PTPN21: variants seen among roughly 807,000 people sequenced by gnomAD.
PTPN21 encodes the protein tyrosine-protein phosphatase non-receptor type 21.
In PTPN21, 77 loss-of-function variants were observed where a neutral mutation model predicts 131.8. The observed-to-expected ratio is 0.58, with a 90% CI of 0.49 to 0.71. The LOEUF is 0.71. PTPN21 is among the 30% of genes least tolerant of loss of function. The pLI, the probability that PTPN21 is intolerant of heterozygous loss-of-function variation, is 0.00. For synonymous variants in PTPN21, 715 were observed against 621.3 expected, an observed-to-expected ratio of 1.15 and a Z score of -2.24; for missense variants, 1,552 against 1,527.1, an observed-to-expected ratio of 1.02 and a Z score of -0.27.
chr14:88,468,342 T>C, intron 18 of PTPN21, 77 bp from the exon 19 acceptor site: 1 of 1,407,488 alleles, frequency 7.1e-7, no homozygotes, highest in Non-Finnish European at 9.6e-7. Context: ...ACGAGTGTCC[T>C]GGCAGAAACC....
chr14:88,505,176 G>A, intron 5 of PTPN21, 128 bp downstream of exon 5: 1 of 768,654 alleles, frequency 1.3e-6, no homozygotes, highest in Non-Finnish European at 2.1e-6. Flanking sequence ...ATGTTTATAA[G>A]AGGGAATTTT....
At chr14:88,489,353 T>C (rs2077787395) in intron 10 of PTPN21, among the ~76,000 whole-genome samples, 1 of 152,156 alleles carries the variant, frequency 6.6e-6, no homozygotes, top group African/African-American at 2.4e-5. Context: ...CATGCACTAA[T>C]AGATAGTTCA....
intron 2 of PTPN21, among the ~76,000 whole-genome samples, chr14:88,532,258 C>A (rs2078565452): frequency 6.6e-6 from 1 of 152,124 alleles, no homozygotes; most frequent in Admixed American, 6.5e-5. Flanking sequence ...CTAAATCATT[C>A]TATGAAGCCA....
chr14:88,536,430 T>C lies in PTPN21; in HGVS notation c.180+13808A>G, dbSNP rs2078632171. On this transcript the variant is annotated intron_variant, in intron 2 of 18. Transcript: ENST00000556564. ...TTTCAGCACAATATGGTTGACTTAC[T>C]TTACATGAACTGATGTTGACTGAGA... 2.0e-5 allele frequency among the ~76,000 whole-genome samples: 3 copies of C among 152,344 alleles called. No homozygotes were observed. In the South Asian group the frequency reaches 6.2e-4, roughly 32 times the overall value.
At chr14:88,492,531 G>A (rs1477836131) in intron 10 of PTPN21, among the ~76,000 whole-genome samples, 1 of 152,210 alleles carries the variant, frequency 6.6e-6, no homozygotes, top group African/African-American at 2.4e-5. Flanking sequence ...ACATGGTGCA[G>A]GGGAAGGCAG....
chr14:88,505,280 G>T (rs200856400), intron 5 of PTPN21, 24 bp downstream of exon 5: 4 of 1,534,776 alleles, frequency 2.6e-6, no homozygotes, highest in African/African-American at 2.7e-5. Context: ...CTTTTAAAAG[G>T]CCCAGTGTCA....
intron 2 of PTPN21, among the ~76,000 whole-genome samples, chr14:88,532,445 C>T (rs76355484): frequency 0.038 from 5,829 of 152,220 alleles, 147 homozygotes; most frequent in South Asian, 0.098. Context: ...TCTATACTTA[C>T]GTCAAGATTT....
chr14:88,536,595 A>C (rs2078634857), intron 2 of PTPN21, among the ~76,000 whole-genome samples: 1 of 152,218 alleles, frequency 6.6e-6, no homozygotes, highest in Non-Finnish European at 1.5e-5. Flanking sequence ...AAATCCTGTC[A>C]GAATGTAAAC....
rs1369057271 is a variant in PTPN21, at chr14:88,487,588, TGCTTTTACTA to T, written c.933-1756_933-1747del. Among the ~76,000 whole-genome samples, 34 of 123,900 alleles carry T rather than the reference TGCTTTTACTA, an allele frequency of 2.7e-4. 1 individual carries two copies. The highest frequency in any genetic ancestry group is 1.6e-3 in the Admixed American group (22 of 13,572). The allele number at this position is 123,900 out of a possible 152,430, so 81.3% of individuals were successfully genotyped here. ...AGTTTTAACATCAGGTGATTACAAC[TGCTTTTACTA>T]GCTTTTATAAATAATTTCATTTCTT... On this transcript the variant is annotated intron_variant, in intron 10 of 18. Transcript: ENST00000556564.
At chr14:88,518,366 GTGTGTGTA>G (rs1255908390) in intron 2 of PTPN21, among the ~76,000 whole-genome samples, 2 of 26,960 alleles carry the variant, frequency 7.4e-5, no homozygotes, top group Non-Finnish European at 1.8e-4. Flanking sequence ...ACATACACGT[GTGTGTGTA>G]TGTGTGTGTG....
intron 2 of PTPN21, among the ~76,000 whole-genome samples, chr14:88,540,888 C>T (rs996846444): frequency 1.4e-4 from 21 of 152,080 alleles, no homozygotes; most frequent in African/African-American, 4.8e-4. Context: ...GTGGTGAACT[C>T]CTGGACTGAA....
chr14:88,488,448 A>G (rs1218719507), intron 10 of PTPN21, among the ~76,000 whole-genome samples: 1 of 152,164 alleles, frequency 6.6e-6, no homozygotes, highest in Non-Finnish European at 1.5e-5. Context: ...CAGTTCTAAT[A>G]GTCTAACCTT....
chr14:88,543,564 T>A (rs1388339582), intron 2 of PTPN21, among the ~76,000 whole-genome samples: 1 of 152,206 alleles, frequency 6.6e-6, no homozygotes, highest in Non-Finnish European at 1.5e-5. Context: ...TAAGTAAACA[T>A]TTATTCAGCA....
chr14:88,467,998 C>T lies in PTPN21; in HGVS notation c.*139G>A. 1.8e-6 allele frequency: 2 copies of T among 1,092,684 alleles called. No individual in the cohort carries two copies. The highest frequency in any genetic ancestry group is 2.7e-6 in the Non-Finnish European group (2 of 732,702). 67.7% of individuals were successfully genotyped at this position (1,092,684 alleles called of 1,614,324 possible). ...TTCGCACGTTTCCTTCAGCGTGCCGCCATTCAGACTGCGCCACTTACGTCC... is the reference window on the plus strand; with the variant it reads ...TTCGCACGTTTCCTTCAGCGTGCCGTCATTCAGACTGCGCCACTTACGTCC... On this transcript the variant is annotated 3_prime_UTR_variant, in exon 19 of 19. Transcript: ENST00000556564.
At chr14:88,534,775 G>C (rs969701490) in intron 2 of PTPN21, among the ~76,000 whole-genome samples, 1 of 152,164 alleles carries the variant, frequency 6.6e-6, no homozygotes, top group Non-Finnish European at 1.5e-5. Context: ...TTGGGAGGCT[G>C]AGGCTACTTG....
chr14:88,479,111 T>C lies in PTPN21; in HGVS notation c.2320A>G (p.Ser774Gly), dbSNP rs556417281. 8 of 1,568,510 alleles carry C rather than the reference T, an allele frequency of 5.1e-6. No individual in the cohort carries two copies. The Admixed American group carries it at 5.7e-5, about 11-fold the overall frequency. Residue 774 changes from serine to glycine, a missense_variant, in exon 13 of 19, where the codon AGC (serine) becomes GGC (glycine). By Grantham distance (56) the Ser-to-Gly change is moderately conservative. This residue lies in a region of PTPN21 where 1,016 missense variants were observed against 883.5 expected (regional missense o/e 1.15). Transcript: ENST00000556564. ...TCTGCGGTCGTGCGGACGGGGCTGC[T>C]GTCCATCATCCTCTTCTCCGCGTCT... ...VPDAEKRMMD[S>G]SPVRTTAEAQ...
Position 88,480,230 on chromosome 14 carries a change from T to C in PTPN21, c.1201A>G (p.Asn401Asp), listed in dbSNP as rs546376617. ...NGSVYSAHST[N>D]SLNNPQPYLQ... ...TAGGGCTGAGGATTATTTAAGGAGT[T>C]GGTGCTGTGTGCACTGTAGACACTG... Residue 401 changes from asparagine (N) to aspartate (D), a missense_variant, in exon 13 of 19, where the codon AAC (asparagine) becomes GAC (aspartate). By Grantham distance (23) the Asn-to-Asp change is conservative. Coordinates refer to ENST00000556564, the MANE Select transcript of PTPN21 (RefSeq NM_007039.4). 1.6e-5 allele frequency: 26 copies of C among 1,614,120 alleles called. No individual in the cohort carries two copies. Among genetic ancestry groups the C allele is most frequent in the Middle Eastern group, 1.6e-4 (1 of 6,062 alleles).
At chr14:88,527,070 G>A (rs7144432) in intron 2 of PTPN21, among the ~76,000 whole-genome samples, 81,430 of 152,020 alleles carry the variant, frequency 0.54, 24,506 homozygotes, top group Middle Eastern at 0.7. Context: ...TGGACATTTA[G>A]GCTGGTTCCA....
chr14:88,531,935 C>G (rs1212473181), intron 2 of PTPN21, among the ~76,000 whole-genome samples: 1 of 151,862 alleles, frequency 6.6e-6, no homozygotes, highest in East Asian at 1.9e-4. Context: ...CAACCAATAC[C>G]ACAGAAATAC....
Sources: gnomAD v4.1 joint callset for allele counts (sites outside exome capture counted in the v4.1 genomes callset) on GRCh38, gnomAD v4.1.1 for gene constraint, gnomAD v4.1.1 regional missense constraint, MANE v1.5 for transcripts, NCBI Gene and HGNC (gene_info 2026-07-23, HGNC 2026-07-21) for gene names.